The following BLTP3B variants were observed in gnomAD, a reference collection of about 807,000 sequenced individuals.
BLTP3B encodes UHRF1 (ICBP90) binding protein 1-like.
At chr12:100,046,955 G>T in the BLTP3B span, among the ~76,000 whole-genome samples, 1 of 152,024 alleles carries the variant, frequency 6.6e-6, no homozygotes, top group Non-Finnish European at 1.5e-5. Context: ...CAAGATCAAA[G>T]GCCTCTCTCA....
the BLTP3B span, among the ~76,000 whole-genome samples, chr12:100,050,505 A>T: frequency 6.6e-6 from 1 of 152,200 alleles, no homozygotes; most frequent in African/African-American, 2.4e-5. Flanking sequence ...CTTAAAAAAA[A>T]AATTAGGTCA....
chr12:100,104,351 G>A, the BLTP3B span, among the ~76,000 whole-genome samples: 1 of 151,194 alleles, frequency 6.6e-6, no homozygotes, highest in African/African-American at 2.4e-5. Context: ...TTACAATCAA[G>A]TGCCACCACG....
At chr12:100,133,155 T>C in the BLTP3B span, among the ~76,000 whole-genome samples, 4 of 151,936 alleles carry the variant, frequency 2.6e-5, no homozygotes, top group Admixed American at 6.6e-5. Flanking sequence ...GGCAGGAGAA[T>C]GGCATGAACC....
At chr12:100,059,202 T>C in the BLTP3B span, 10 of 1,614,098 alleles carry the variant, frequency 6.2e-6, no homozygotes, top group Non-Finnish European at 7.6e-6. Flanking sequence ...AGCCCAAACA[T>C]CCGTGGCAGC....
At chr12:100,098,272 C>CATGAG in the BLTP3B span, 1 of 1,431,508 alleles carries the variant, frequency 7.0e-7, no homozygotes, top group Non-Finnish European at 9.3e-7. Flanking sequence ...AAAAGGCAAC[C>CATGAG]ATGAGATGTG....
At chr12:100,061,934 T>G in the BLTP3B span, among the ~76,000 whole-genome samples, 4 of 152,232 alleles carry the variant, frequency 2.6e-5, no homozygotes, top group African/African-American at 9.6e-5. Context: ...TAGCTCAGAA[T>G]GTATTTGGAG....
the BLTP3B span, among the ~76,000 whole-genome samples, chr12:100,045,236 C>T: frequency 6.6e-6 from 1 of 152,136 alleles, no homozygotes; most frequent in Non-Finnish European, 1.5e-5. Context: ...CTTCACAGAA[C>T]TGGAAAAAAC....
At chr12:100,106,193 T>A in the BLTP3B span, among the ~76,000 whole-genome samples, 2 of 151,722 alleles carry the variant, frequency 1.3e-5, no homozygotes, top group African/African-American at 4.8e-5. Flanking sequence ...GATCCAGCAA[T>A]CCCACTACCG....
the BLTP3B span, among the ~76,000 whole-genome samples, chr12:100,109,077 T>C: frequency 6.6e-6 from 1 of 152,060 alleles, no homozygotes; most frequent in African/African-American, 2.4e-5. Context: ...GGGAGGTGAC[T>C]GGATCATGGG....
the BLTP3B span, among the ~76,000 whole-genome samples, chr12:100,065,977 C>A: frequency 6.6e-6 from 1 of 152,134 alleles, no homozygotes; most frequent in Non-Finnish European, 1.5e-5. Context: ...TGTGATGTCA[C>A]CCCCTGGCGG....
chr12:100,044,166 T>C, the BLTP3B span, among the ~76,000 whole-genome samples: 1 of 151,996 alleles, frequency 6.6e-6, no homozygotes, highest in African/African-American at 2.4e-5. Flanking sequence ...CTGGGCAGAG[T>C]CTTCTCACAG....
At chr12:100,068,315 ATCT>A in the BLTP3B span, among the ~76,000 whole-genome samples, 1 of 152,206 alleles carries the variant, frequency 6.6e-6, no homozygotes, top group African/African-American at 2.4e-5. Flanking sequence ...ATGAAACTGG[ATCT>A]TCTTCTCTCA....
the BLTP3B span, among the ~76,000 whole-genome samples, chr12:100,105,979 G>C: frequency 1.3e-5 from 2 of 152,032 alleles, no homozygotes; most frequent in African/African-American, 2.4e-5. Flanking sequence ...AATCATAAGG[G>C]AAATGCAAAT....
the BLTP3B span, among the ~76,000 whole-genome samples, chr12:100,110,144 C>T: frequency 4.6e-5 from 7 of 152,090 alleles, no homozygotes; most frequent in Non-Finnish European, 2.9e-5. Context: ...TTAGTCTTTA[C>T]TTTTTTTGGA....
At chr12:100,059,940 ACT>A in the BLTP3B span, 52 of 1,612,586 alleles carry the variant, frequency 3.2e-5, no homozygotes, top group Non-Finnish European at 5.1e-6. Flanking sequence ...ACTGATTAAG[ACT>A]CTGTTTTAAA....
the BLTP3B span, among the ~76,000 whole-genome samples, chr12:100,053,635 C>A: frequency 6.6e-6 from 1 of 152,056 alleles, no homozygotes; most frequent in South Asian, 2.1e-4. Context: ...CACCCACACA[C>A]GTATATAAAA....
chr12:100,099,233 A>T, the BLTP3B span, among the ~76,000 whole-genome samples: 1 of 151,800 alleles, frequency 6.6e-6, no homozygotes, highest in African/African-American at 2.4e-5. Context: ...TCCTCAGATG[A>T]TCTGCCCACC....
At chr12:100,128,643 G>A in the BLTP3B span, 1 of 1,286,448 alleles carries the variant, frequency 7.8e-7, no homozygotes, top group South Asian at 1.2e-5. Flanking sequence ...CAGTTGCCAG[G>A]GTTTCTTAGA....
chr12:100,051,303 G>A, the BLTP3B span: 27 of 1,269,242 alleles, frequency 2.1e-5, no homozygotes, highest in Non-Finnish European at 2.7e-5. Context: ...TAACAAAAAT[G>A]GACTATCCCT....
Sources: gnomAD v4.1 joint callset for allele counts (sites outside exome capture counted in the v4.1 genomes callset) on GRCh38, gnomAD v4.1.1 for gene constraint, MANE v1.5 for transcripts, NCBI Gene and HGNC (gene_info 2026-07-23, HGNC 2026-07-21) for gene names.